The following FXR2 variants were observed in gnomAD, a reference collection of about 807,000 sequenced individuals.
FXR2 encodes the protein RNA-binding protein FXR2.
In FXR2, 9 loss-of-function variants were observed where a neutral mutation model predicts 87.3. The ratio of observed to expected loss-of-function variants is 0.10; its 90% CI spans 0.06 to 0.18. FXR2 has a LOEUF of 0.18. Among genes scored for constraint, FXR2 ranks in the 10% least tolerant of loss-of-function variants. The pLI is 1.00. For missense variants in FXR2, 661 were observed against 893.6 expected, an observed-to-expected ratio of 0.74 and a Z score of 3.32; for synonymous variants, 331 against 328.3, an observed-to-expected ratio of 1.01 and a Z score of -0.09.
At chr17:7,605,910 T>G (rs1168132609) in intron 2 of FXR2, 172 bp from the exon 3 acceptor site, 1 of 644,302 alleles carries the variant, frequency 1.6e-6, no homozygotes, top group Non-Finnish European at 2.7e-6. Flanking sequence ...AGACTCTAAA[T>G]ACTGGGTCAA....
intron 5 of FXR2, among the ~76,000 whole-genome samples, chr17:7,603,540 AAAAAG>A (rs1193813827): frequency 2.0e-5 from 3 of 151,858 alleles, no homozygotes; most frequent in Non-Finnish European, 4.4e-5. Context: ...AAAAAAAAAA[AAAAAG>A]AAAGAAAGGA....
chr17:7,603,058 CG>C (rs2071772249), intron 5 of FXR2, 56 bp from the exon 6 acceptor site: 1 of 858,172 alleles, frequency 1.2e-6, no homozygotes. Context: ...GTGAAGAGTT[CG>C]GGGGAGGCTG....
chr17:7,595,948 C>T lies in FXR2; in HGVS notation c.707G>A (p.Arg236Gln), dbSNP rs1353135916. The change falls in exon 8 of 17, where the codon CGA becomes CAA. Residue 236 changes from arginine to glutamine, a missense_variant. Physicochemically the swap from Arg to Gln is conservative, Grantham distance 43 (BLOSUM62 1). Around this residue, in one of 3 missense-constraint regions of FXR2, gnomAD observed 82 missense variants for 214.4 expected, o/e 0.38. Transcript: ENST00000250113. The surrounding 1 kb of genome is among the most constrained non-coding windows in gnomAD (Gnocchi z 4.7). ...AAAFQEEFTV[R>Q]EDLMGLAIGT... is the part of the protein sequence containing the mutation. ...AATTGCCAGTCCCATCAGGTCCTCT[C>T]GCACTGTGAACTCCTCTTGGAAGGC... 6.2e-7 allele frequency: 1 copy of T among 1,613,648 alleles called. No homozygotes were observed. The highest frequency in any genetic ancestry group is 1.1e-5 in the South Asian group (1 of 91,080).
At chr17:7,608,429 T>TAA (rs1201395730) in intron 1 of FXR2, among the ~76,000 whole-genome samples, 7 of 146,116 alleles carry the variant, frequency 4.8e-5, no homozygotes, top group African/African-American at 1.8e-4. Flanking sequence ...CCATTGCTAC[T>TAA]AAAAAAAAAA....
At chr17:7,604,219 C>A in intron 3 of FXR2, 139 bp from the exon 4 acceptor site, 1 of 665,672 alleles carries the variant, frequency 1.5e-6, no homozygotes, top group South Asian at 1.8e-5. Context: ...ACTGCTTATG[C>A]CCAGGAGTTC....
intron 1 of FXR2, among the ~76,000 whole-genome samples, chr17:7,613,571 G>T (rs1490541935): frequency 6.6e-6 from 1 of 152,186 alleles, no homozygotes; most frequent in African/African-American, 2.4e-5. Context: ...TCAGATTCCC[G>T]AACTGGGATA....
intron 1 of FXR2, among the ~76,000 whole-genome samples, chr17:7,609,004 GAGGCTA>G (rs1249135862): frequency 1.3e-5 from 2 of 152,180 alleles, no homozygotes; most frequent in Non-Finnish European, 2.9e-5. Flanking sequence ...AGCTATTTAG[GAGGCTA>G]AGGTGGGAGG....
Sources: gnomAD v4.1 joint callset for allele counts (sites outside exome capture counted in the v4.1 genomes callset) on GRCh38, gnomAD v4.1.1 for gene constraint, gnomAD v4.1.1 regional missense constraint, Gnocchi (gnomAD v3.1) non-coding constraint, MANE v1.5 for transcripts, NCBI Gene and HGNC (gene_info 2026-07-23, HGNC 2026-07-21) for gene names.